The following LRRIQ4 variants were observed in gnomAD, a reference collection of about 807,000 sequenced individuals.
LRRIQ4 encodes leucine rich repeats and IQ motif containing 4.
In LRRIQ4, 21 loss-of-function variants were observed where a neutral mutation model predicts 40.1. That is an observed-to-expected ratio of 0.52 (90% CI 0.37 to 0.75). The LOEUF (loss-of-function observed/expected upper bound fraction) is 0.75. LRRIQ4 is among the 30% of genes least tolerant of loss of function. LRRIQ4 has a pLI of 0.00. For synonymous variants in LRRIQ4, 277 were observed against 277.1 expected (o/e 1.00, Z 0.00); for missense variants, 655 against 660.0 (o/e 0.99, Z 0.08).
At chr3:169,831,272 T>C (rs1234062217) in intron 4 of LRRIQ4, among the ~76,000 whole-genome samples, 33 of 109,504 alleles carry the variant, frequency 3.0e-4, no homozygotes, top group Non-Finnish European at 5.4e-4. Context: ...TTTTTTTTTT[T>C]TTTTTTTTTT....
intron 1 of LRRIQ4, among the ~76,000 whole-genome samples, chr3:169,820,828 T>C (rs1279768955): frequency 6.6e-6 from 1 of 152,222 alleles, no homozygotes; most frequent in Non-Finnish European, 1.5e-5. Flanking sequence ...CTTCAGGACC[T>C]GTCTCTGTTC....
chr3:169,814,134 C>G (rs1391942438), intron 1 of LRRIQ4, among the ~76,000 whole-genome samples: 2 of 152,132 alleles, frequency 1.3e-5, no homozygotes, highest in African/African-American at 2.4e-5. Context: ...CCGGAAAAAT[C>G]GGATCACACA....
chr3:169,819,815 G>A (rs1489893626), intron 1 of LRRIQ4, among the ~76,000 whole-genome samples: 1 of 152,150 alleles, frequency 6.6e-6, no homozygotes, highest in African/African-American at 2.4e-5. Context: ...TATCACCTCA[G>A]TCTACATACT....
intron 2 of LRRIQ4, among the ~76,000 whole-genome samples, chr3:169,825,800 TG>T (rs1780027902): frequency 6.6e-6 from 1 of 152,244 alleles, no homozygotes; most frequent in Non-Finnish European, 1.5e-5. Context: ...TGACAATCTC[TG>T]TGTACCAGTG....
At chr3:169,831,478 T>A (rs1321611877) in intron 4 of LRRIQ4, among the ~76,000 whole-genome samples, 3 of 87,474 alleles carry the variant, frequency 3.4e-5, no homozygotes, top group Non-Finnish European at 6.3e-5. Flanking sequence ...TTTTTTTTTT[T>A]TTTTTAGTAG....
At position 169,822,176 on chromosome 3, in the gene LRRIQ4, C is replaced by G. The variant is rs749331849; in HGVS notation, c.255C>G (p.Ser85Arg). The G allele has an allele frequency of 1.9e-6, 3 of 1,609,020 alleles. No individual in the cohort carries two copies. Among genetic ancestry groups the G allele is most frequent in the South Asian group, 1.1e-5 (1 of 90,030 alleles). ...ACCTGGATAAGAACAACCTGAGGAG[C>G]CTGTGCCCGGCGCTGGGGCTGCTGA... Reference protein sequence around the residue: ...VLYLDKNNLRSLCPALGLLSS... With the variant: ...VLYLDKNNLRRLCPALGLLSS... The change falls in exon 2 of 6, where the codon AGC (serine) becomes AGG (arginine). Residue 85 changes from serine (S) to arginine (R), a missense_variant. By Grantham distance (110) the Ser-to-Arg change is moderately radical. Coordinates refer to ENST00000340806, the MANE Select transcript of LRRIQ4 (RefSeq NM_001080460.3).
chr3:169,831,440 ATTTTTTTTTTTTT>A (rs750864248), intron 4 of LRRIQ4, among the ~76,000 whole-genome samples: 478 of 29,388 alleles, frequency 0.016, 24 homozygotes, highest in African/African-American at 0.056. Flanking sequence ...CGCCCGGCTA[ATTTTTTTTTTTTT>A]TTTTTTTTTT....
chr3:169,836,226 A>G (rs1355802135), intron 5 of LRRIQ4, among the ~76,000 whole-genome samples: 1 of 152,098 alleles, frequency 6.6e-6, no homozygotes, highest in Non-Finnish European at 1.5e-5. Flanking sequence ...TGAAATTGCC[A>G]GTAGTGTGTG....
rs540533617 is a variant in LRRIQ4 at position 169,827,600 on chromosome 3, C to T, written c.1021-1159C>T. Among the ~76,000 whole-genome samples the T allele has an allele frequency of 6.3e-5, 8 of 126,142 alleles. No homozygotes were observed. The South Asian group carries it at 1.9e-3, about 29-fold the overall frequency. 82.8% of individuals were successfully genotyped at this position (126,142 alleles called of 152,430 possible). On this transcript the variant is annotated intron_variant, in intron 2 of 5. Transcript: ENST00000340806. ...CCAGCCTGGGCGGCAGAGCGAGACT[C>T]CGTCTCAAAAAAAAAAAAAAAAAAA...
At chr3:169,818,037 G>A (rs78156087) in intron 1 of LRRIQ4, among the ~76,000 whole-genome samples, 1,749 of 152,194 alleles carry the variant, frequency 0.011, 45 homozygotes, top group African/African-American at 0.041. Context: ...CAGAACTCAC[G>A]TTCCACCCAC....
At position 169,825,178 on chromosome 3, in the gene LRRIQ4, A is replaced by C. The variant is rs188527400; in HGVS notation, c.1020+2237A>C. ...GCCTGCCACCACGCCCGGCTAATTTATGTATTTTTAGTAGAGGCAGGGTTT... is the reference window on the plus strand; with the variant it reads ...GCCTGCCACCACGCCCGGCTAATTTCTGTATTTTTAGTAGAGGCAGGGTTT... On this transcript the variant is annotated intron_variant, in intron 2 of 5. Coordinates refer to ENST00000340806, the MANE Select transcript of LRRIQ4 (RefSeq NM_001080460.3). 3.2e-3 allele frequency among the ~76,000 whole-genome samples: 490 copies of C among 150,836 alleles called. 3 individuals are homozygous for C. Among genetic ancestry groups the C allele is most frequent in the African/African-American group, 0.011 (439 of 41,044 alleles).
Position 169,822,866 on chromosome 3 carries a change from G to T in LRRIQ4, c.945G>T (p.Leu315=). 3.1e-6 allele frequency: 5 copies of T among 1,609,846 alleles called. 1 individual carries two copies. The highest frequency in any genetic ancestry group is 4.2e-6 in the Non-Finnish European group (5 of 1,178,010). Reference sequence around the variant, plus strand: ...TCCTGGACCTAAGCCAGAACCATCTGCACCACTGCCCGCTGCAGATCTGTG... The same window carrying T: ...TCCTGGACCTAAGCCAGAACCATCTTCACCACTGCCCGCTGCAGATCTGTG... ...LRFLDLSQNH[L]HHCPLQICAL... The change falls in exon 2 of 6, where the codon CTG becomes CTT. Residue 315 remains leucine (L), a synonymous_variant. Coordinates refer to ENST00000340806, the MANE Select transcript of LRRIQ4 (RefSeq NM_001080460.3).
At position 169,830,601 on chromosome 3, in the gene LRRIQ4, A is replaced by G. The variant is rs992578028; in HGVS notation, c.1304A>G (p.Gln435Arg). Residue 435 changes from glutamine (Q) to arginine (R), a missense_variant, in exon 4 of 6, where the codon CAA (glutamine) becomes CGA (arginine). By Grantham distance (43) the Gln-to-Arg change is conservative. Coordinates refer to ENST00000340806, the MANE Select transcript of LRRIQ4 (RefSeq NM_001080460.3). ...GATTGCCGGCACAATTTGCTTAAGCAACTTCCAGATGCCATTTGCCAAGCA... is the reference window on the plus strand; with the variant it reads ...GATTGCCGGCACAATTTGCTTAAGCGACTTCCAGATGCCATTTGCCAAGCA... ...VLDCRHNLLKQLPDAICQAQA... is the reference protein window; with the variant it reads ...VLDCRHNLLKRLPDAICQAQA... The G allele has an allele frequency of 1.2e-6, 2 of 1,613,824 alleles. No individual in the cohort carries two copies. Among genetic ancestry groups the G allele is most frequent in the African/African-American group, 2.7e-5 (2 of 74,916 alleles).
At chr3:169,819,433 G>A (rs1373192199) in intron 1 of LRRIQ4, among the ~76,000 whole-genome samples, 1 of 152,118 alleles carries the variant, frequency 6.6e-6, no homozygotes, top group East Asian at 1.9e-4. Flanking sequence ...TCATGTGTCT[G>A]GAAGCCCAGA....
intron 2 of LRRIQ4, among the ~76,000 whole-genome samples, chr3:169,827,397 G>T (rs1780063474): frequency 6.6e-6 from 1 of 152,072 alleles, no homozygotes; most frequent in Admixed American, 6.5e-5. Flanking sequence ...CACGAGGTCA[G>T]GAGATCGAGA....
At chr3:169,821,342 A>T (rs1175509516) in intron 1 of LRRIQ4, among the ~76,000 whole-genome samples, 1 of 151,420 alleles carries the variant, frequency 6.6e-6, no homozygotes, top group Non-Finnish European at 1.5e-5. Flanking sequence ...ATTTTTTTTT[A>T]ACTGAAATTA....
At chr3:169,828,512 G>A (rs1016697257) in intron 2 of LRRIQ4, among the ~76,000 whole-genome samples, 1 of 152,204 alleles carries the variant, frequency 6.6e-6, no homozygotes, top group African/African-American at 2.4e-5. Context: ...GGGATTAAAG[G>A]CATAAACCAC....
In LRRIQ4 at chr3:169,822,154, T is replaced by C. The variant is rs368424398; in HGVS notation, c.233T>C (p.Leu78Pro). 5.0e-6 allele frequency: 8 copies of C among 1,612,538 alleles called. No individual in the cohort carries two copies. The African/African-American group carries it at 8.0e-5, about 16-fold the overall frequency. ...TTAAAGAACATCAGGGTCCTCTACC[T>C]GGATAAGAACAACCTGAGGAGCCTG... is the stretch of plus-strand genomic sequence containing the variant. ...QRLKNIRVLYLDKNNLRSLCP... is the reference protein window; with the variant it reads ...QRLKNIRVLYPDKNNLRSLCP... The change falls in exon 2 of 6, where the codon CTG (leucine) becomes CCG (proline). Residue 78 changes from leucine to proline, a missense_variant. Physicochemically the swap from Leu to Pro is moderately conservative, Grantham distance 98 (BLOSUM62 -3). Coordinates refer to ENST00000340806, the MANE Select transcript of LRRIQ4 (RefSeq NM_001080460.3).
intron 3 of LRRIQ4, among the ~76,000 whole-genome samples, chr3:169,830,200 T>G (rs946200865): frequency 6.6e-6 from 1 of 151,658 alleles, no homozygotes; most frequent in Admixed American, 6.6e-5. Flanking sequence ...TTATTCAAAT[T>G]ATTTTTCCAT....
Sources: allele counts gnomAD v4.1 joint callset (sites outside exome capture counted in the v4.1 genomes callset), GRCh38; gene constraint gnomAD v4.1.1; transcripts MANE v1.5; gene names NCBI Gene and HGNC (gene_info 2026-07-23, HGNC 2026-07-21).